The following DENND1A variants were observed in gnomAD, a reference collection of about 807,000 sequenced individuals.
DENND1A encodes the protein DENN domain containing 1A.
DENND1A carries 51 observed loss-of-function variants against 113.7 expected under a neutral mutation model. That is an observed-to-expected ratio of 0.45 (90% CI 0.36 to 0.57). The LOEUF (loss-of-function observed/expected upper bound fraction) is 0.57. DENND1A is among the 20% of genes least tolerant of loss of function. The pLI is 0.00. For synonymous variants in DENND1A, 565 were observed against 570.8 expected, an observed-to-expected ratio of 0.99 and a Z score of 0.14; for missense variants, 1,258 against 1,395.9, an observed-to-expected ratio of 0.90 and a Z score of 1.57.
In DENND1A at chr9:123,457,869, G is replaced by C. The variant is rs201469755; in HGVS notation, c.1022C>G (p.Ala341Gly). ...TCCGGAGCGGTAGTGGGACACGAAG[G>C]CTTCCTCACAGAAAGTGATCGGCTC... is the stretch of plus-strand genomic sequence containing the variant. The part of the protein sequence containing the change: ...PEEPITFCEE[A>G]FVSHYRSGAM... Residue 341 changes from alanine to glycine, a missense_variant, in exon 14 of 24, where the codon GCC becomes GGC. Physicochemically the swap from Ala to Gly is moderately conservative, Grantham distance 60 (BLOSUM62 0). Transcript: ENST00000394215. 4.5e-5 allele frequency: 72 copies of C among 1,612,400 alleles called. No individual in the cohort carries two copies. The highest frequency in any genetic ancestry group is 6.0e-5 in the Non-Finnish European group (71 of 1,179,314).
chr9:123,484,865 C>T (rs1281745710), intron 13 of DENND1A, among the ~76,000 whole-genome samples: 1 of 152,212 alleles, frequency 6.6e-6, no homozygotes, highest in Non-Finnish European at 1.5e-5. Flanking sequence ...CCTGATCCCA[C>T]TCTCCTCACA....
intron 13 of DENND1A, among the ~76,000 whole-genome samples, chr9:123,501,831 C>T (rs1265527668): frequency 1.3e-5 from 2 of 152,232 alleles, no homozygotes; most frequent in Non-Finnish European, 2.9e-5. Flanking sequence ...CTACATCTTT[C>T]TCTCGTGCTA....
At chr9:123,509,312 C>CT (rs2053243244) in intron 13 of DENND1A, among the ~76,000 whole-genome samples, 1 of 152,252 alleles carries the variant, frequency 6.6e-6, no homozygotes, top group African/African-American at 2.4e-5. Context: ...GGACACCTGG[C>CT]TTTCCTGGAC....
At chr9:123,800,822 A>G (rs1304991099) in intron 2 of DENND1A, among the ~76,000 whole-genome samples, 6 of 152,238 alleles carry the variant, frequency 3.9e-5, no homozygotes, top group Non-Finnish European at 8.8e-5. Flanking sequence ...TTTGAAGGCT[A>G]GAGTTATCCT....
intron 13 of DENND1A, among the ~76,000 whole-genome samples, chr9:123,495,028 G>A (rs1214045151): frequency 1.3e-5 from 2 of 152,094 alleles, no homozygotes; most frequent in African/African-American, 4.8e-5. Flanking sequence ...CTGACCTCAG[G>A]TGATCTGCCC....
intron 13 of DENND1A, among the ~76,000 whole-genome samples, chr9:123,485,322 G>T (rs781299958): frequency 6.6e-6 from 1 of 152,208 alleles, no homozygotes; most frequent in Non-Finnish European, 1.5e-5. Flanking sequence ...AATAATTAAA[G>T]GCTTCAGCAA....
In DENND1A at chr9:123,915,318, C is replaced by T. The variant is rs541908485; in HGVS notation, c.17+14571G>A. Among the ~76,000 whole-genome samples, 13 of 152,144 alleles carry T rather than the reference C, an allele frequency of 8.5e-5. No homozygotes were observed. The East Asian group carries it at 1.9e-3, about 23-fold the overall frequency. On this transcript the variant is annotated intron_variant, in intron 1 of 23. Transcript: ENST00000394215. ...CTACCCGATCTAGTGGAGTTAAATA[C>T]TTATATTTAAATATTCATAATAACA...
intron 10 of DENND1A, among the ~76,000 whole-genome samples, chr9:123,624,805 T>C (rs1028380298): frequency 3.9e-5 from 6 of 152,134 alleles, no homozygotes; most frequent in African/African-American, 1.4e-4. Flanking sequence ...TAGAGAAGGT[T>C]GAAAAAATGA....
At chr9:123,681,329 G>T (rs1276225714) in intron 5 of DENND1A, among the ~76,000 whole-genome samples, 1 of 150,032 alleles carries the variant, frequency 6.7e-6, no homozygotes, top group Admixed American at 6.6e-5. Flanking sequence ...AGTGGGGGTC[G>T]GGGGAGGGGA....
chr9:123,562,124 C>T (rs934847031), intron 12 of DENND1A, among the ~76,000 whole-genome samples: 5 of 152,182 alleles, frequency 3.3e-5, no homozygotes, highest in African/African-American at 4.8e-5. Context: ...CAAAACCCTT[C>T]GGTGCCCCCG....
intron 15 of DENND1A, among the ~76,000 whole-genome samples, chr9:123,457,094 C>T (rs914784384): frequency 1.4e-4 from 22 of 152,170 alleles, no homozygotes; most frequent in Admixed American, 1.1e-3. Context: ...CAGTGGACCA[C>T]GCTGGCTACT....
intron 5 of DENND1A, among the ~76,000 whole-genome samples, chr9:123,711,501 ATATGTATATATG>A (rs1446146718): frequency 9.3e-5 from 7 of 74,890 alleles, no homozygotes; most frequent in African/African-American, 5.6e-4. Flanking sequence ...ATATATATAT[ATATGTATATATG>A]TATATATATA....
intron 12 of DENND1A, among the ~76,000 whole-genome samples, chr9:123,570,163 C>T (rs964691296): frequency 8.5e-5 from 13 of 152,124 alleles, no homozygotes; most frequent in African/African-American, 3.1e-4. Context: ...TCCATGTCCC[C>T]ATGGCTCAAT....
intron 2 of DENND1A, among the ~76,000 whole-genome samples, chr9:123,845,053 T>C (rs900528367): frequency 6.6e-6 from 1 of 151,890 alleles, no homozygotes; most frequent in African/African-American, 2.4e-5. Context: ...ACACCATCTC[T>C]ACCAAAAATA....
intron 5 of DENND1A, among the ~76,000 whole-genome samples, chr9:123,723,050 C>G (rs1392694879): frequency 6.6e-6 from 1 of 152,224 alleles, no homozygotes; most frequent in African/African-American, 2.4e-5. Context: ...TGCAAAGCCA[C>G]AGGGGCAGAG....
chr9:123,541,039 C>A (rs748878997), intron 13 of DENND1A, among the ~76,000 whole-genome samples: 1 of 152,226 alleles, frequency 6.6e-6, no homozygotes, highest in Non-Finnish European at 1.5e-5. Context: ...TTATTACCAT[C>A]AGACATATTA....
At position 123,387,259 on chromosome 9, in the gene DENND1A, T is replaced by C. The variant is rs118060116; in HGVS notation, c.1760+471A>G. Reference sequence around the variant, plus strand: ...GCTATAAATAATAATGATTAAATTATCTTTAAAAAGTCAGGCAGATCAGAA... The same window carrying C: ...GCTATAAATAATAATGATTAAATTACCTTTAAAAAGTCAGGCAGATCAGAA... On this transcript the variant is annotated intron_variant, in intron 22 of 23. Coordinates refer to ENST00000394215, the MANE Select transcript of DENND1A (RefSeq NM_001352964.2). Among the ~76,000 whole-genome samples the C allele has an allele frequency of 2.2e-3, 328 of 152,342 alleles. 1 individual carries two copies. Among genetic ancestry groups the C allele is most frequent in the Non-Finnish European group, 3.7e-3 (251 of 68,032 alleles).
chr9:123,888,583 G>A (rs940665977), intron 1 of DENND1A, among the ~76,000 whole-genome samples: 7 of 152,164 alleles, frequency 4.6e-5, no homozygotes, highest in African/African-American at 9.7e-5. Context: ...TATTCCTGTC[G>A]GAGATGCTAC....
At chr9:123,453,911 A>G (rs2047918750) in intron 16 of DENND1A, among the ~76,000 whole-genome samples, 1 of 152,222 alleles carries the variant, frequency 6.6e-6, no homozygotes, top group African/African-American at 2.4e-5. Flanking sequence ...CAATCAATCA[A>G]CAAGTCCTTA....
Sources: allele counts gnomAD v4.1 joint callset (sites outside exome capture counted in the v4.1 genomes callset), GRCh38; gene constraint gnomAD v4.1.1; transcripts MANE v1.5; gene names NCBI Gene and HGNC (gene_info 2026-07-23, HGNC 2026-07-21).